FAM200A: variants seen among roughly 807,000 people sequenced by gnomAD.
FAM200A encodes ZBED8 like.
In FAM200A, 26 loss-of-function variants were observed where a neutral mutation model predicts 44.2. The observed-to-expected ratio is 0.59, with a 90% confidence interval of 0.43 to 0.82. The LOEUF is 0.82. Ranked by LOEUF, FAM200A falls within the 40% of genes least tolerant of loss-of-function variation. FAM200A has a pLI of 0.00. For synonymous variants in FAM200A, 206 were observed against 244.4 expected (o/e 0.84, Z 1.47); for missense variants, 606 against 669.5 (o/e 0.91, Z 1.05).
chr7:99,546,609 C>A lies in FAM200A; in HGVS notation c.*77G>T. Reference sequence around the variant, plus strand: ...GTCTTGAACTCAAGTGATCTGCCCACCTCGGTCTCCCACTGCTGGGATTAC... The same window carrying A: ...GTCTTGAACTCAAGTGATCTGCCCAACTCGGTCTCCCACTGCTGGGATTAC... On this transcript the variant is annotated 3_prime_UTR_variant, in exon 2 of 2. Transcript: ENST00000449309. The A allele has an allele frequency of 5.0e-6, 7 of 1,409,956 alleles. No individual in the cohort carries two copies. Among genetic ancestry groups the A allele is most frequent in the Non-Finnish European group, 4.6e-6 (5 of 1,081,744 alleles). The allele number at this position is 1,409,956 out of a possible 1,614,324, so 87.3% of individuals were successfully genotyped here. A position where few individuals can be genotyped will look rare whatever the true frequency, so the allele number is the denominator to read the frequency against.
Position 99,547,912 on chromosome 7 carries a change from C to T in FAM200A, c.496G>A (p.Asp166Asn). The change falls in exon 2 of 2, where the codon GAT (aspartate) becomes AAT (asparagine). Residue 166 changes from aspartate to asparagine, a missense_variant. By Grantham distance (23) the Asp-to-Asn change is conservative. Coordinates refer to ENST00000449309, the MANE Select transcript of FAM200A (RefSeq NM_145111.4). ...LLVYVRYVWQ[D>N]DFVEDLLCCL... ...CATAAGAGATCCTCTACAAAATCAT[C>T]TTGCCACACATATCTGACATAAACC... is the stretch of plus-strand genomic sequence containing the variant. The T allele has an allele frequency of 4.5e-6, 7 of 1,551,198 alleles. No individual in the cohort carries two copies. Among genetic ancestry groups the T allele is most frequent in the Non-Finnish European group, 6.1e-6 (7 of 1,146,986 alleles).
At chr7:99,551,261 G>A (rs1218231763) in intron 1 of FAM200A, among the ~76,000 whole-genome samples, 3 of 151,798 alleles carry the variant, frequency 2.0e-5, no homozygotes, top group Admixed American at 6.6e-5. Context: ...GTGCAGTGAC[G>A]CGATCCTGGC....
chr7:99,547,171 C>A lies in FAM200A; in HGVS notation c.1237G>T (p.Glu413Ter), dbSNP rs765867962. The A allele has an allele frequency of 1.5e-5, 23 of 1,547,368 alleles. No individual in the cohort carries two copies. Among genetic ancestry groups the A allele is most frequent in the Non-Finnish European group, 1.7e-6 (2 of 1,145,822 alleles). Residue 413 changes from glutamate to a stop codon, truncating the protein, a stop_gained, in exon 2 of 2, where the codon GAA (glutamate) becomes TAA (stop). Transcript: ENST00000449309. LOFTEE classifies it high-confidence loss of function. ...LQHIEENIIN[E>*]DCLKEIKLEI... ...AATTTTATTTCTTTTAAGCAGTCTTCATTAATAATGTTCTCTTCGATGTGT... is the reference window on the plus strand; with the variant it reads ...AATTTTATTTCTTTTAAGCAGTCTTAATTAATAATGTTCTCTTCGATGTGT...
At position 99,547,609 on chromosome 7, in the gene FAM200A, T is replaced by C. The variant is rs757223144; in HGVS notation, c.799A>G (p.Thr267Ala). The C allele has an allele frequency of 6.4e-7, 1 of 1,551,314 alleles. No homozygotes were observed. Among genetic ancestry groups the C allele is most frequent in the South Asian group, 1.2e-5 (1 of 83,858 alleles). The change falls in exon 2 of 2, where the codon ACT (threonine) becomes GCT (alanine). Residue 267 changes from threonine to alanine, a missense_variant. Transcript: ENST00000449309. Reference sequence around the variant, plus strand: ...GAGCTTCCTTTAATAAAATTAACAGTTTTCACTGCATTTTTCAATACATCC... The same window carrying C: ...GAGCTTCCTTTAATAAAATTAACAGCTTTCACTGCATTTTTCAATACATCC... ...LMDVLKNAVK[T>A]VNFIKGSSLN...
rs1802390595 is a variant in FAM200A, at chr7:99,546,614, G to A, written c.*72C>T. 2 of 1,418,564 alleles carry A rather than the reference G, an allele frequency of 1.4e-6. No individual in the cohort carries two copies. The highest frequency in any genetic ancestry group is 1.8e-6 in the Non-Finnish European group (2 of 1,087,686). The allele number at this position is 1,418,564 out of a possible 1,614,324, so 87.9% of individuals were successfully genotyped here. ...GAACTCAAGTGATCTGCCCACCTCG[G>A]TCTCCCACTGCTGGGATTACAGGCG... On this transcript the variant is annotated 3_prime_UTR_variant, in exon 2 of 2. Coordinates refer to ENST00000449309, the MANE Select transcript of FAM200A (RefSeq NM_145111.4).
upstream of FAM200A, among the ~76,000 whole-genome samples, chr7:99,553,373 G>C (rs144538023): frequency 6.6e-5 from 10 of 152,152 alleles, no homozygotes; most frequent in African/African-American, 2.4e-4. Flanking sequence ...CAGGAAGGCA[G>C]ATTACTGAAT....
chr7:99,554,720 A>G (rs1802644403), upstream of FAM200A, among the ~76,000 whole-genome samples: 1 of 152,136 alleles, frequency 6.6e-6, no homozygotes, highest in African/African-American at 2.4e-5. Context: ...TCACTGAGAT[A>G]ATTTTTCTTC....
Position 99,548,320 on chromosome 7 carries a change from C to T in FAM200A, c.88G>A (p.Glu30Lys). 6.2e-7 allele frequency: 1 copy of T among 1,614,170 alleles called. No homozygotes were observed. The highest frequency in any genetic ancestry group is 8.5e-7 in the Non-Finnish European group (1 of 1,180,044). ...EGIVIVKVEE[E>K]DEEDHFQKER... ...TTTTGAAAATGGTCTTCTTCATCTTCCTCCTCCACCTTCACTATCACGATG... is the reference window on the plus strand; with the variant it reads ...TTTTGAAAATGGTCTTCTTCATCTTTCTCCTCCACCTTCACTATCACGATG... The change falls in exon 2 of 2, where the codon GAA becomes AAA. Residue 30 changes from glutamate (E) to lysine (K), a missense_variant. Coordinates refer to ENST00000449309, the MANE Select transcript of FAM200A (RefSeq NM_145111.4).
At chr7:99,555,703 G>C (rs1019596596), upstream of FAM200A, among the ~76,000 whole-genome samples, 1 of 152,024 alleles carries the variant, frequency 6.6e-6, no homozygotes, top group African/African-American at 2.4e-5. Flanking sequence ...GAGGTCAGGA[G>C]TTCAAGATCA....
Position 99,551,869 on chromosome 7 carries a change from C to T in FAM200A, c.-115G>A. The T allele has an allele frequency of 1.0e-6, 1 of 985,560 alleles. No individual in the cohort carries two copies. Among genetic ancestry groups the T allele is most frequent in the Non-Finnish European group, 1.2e-6 (1 of 830,020 alleles). 61.1% of individuals were successfully genotyped at this position (985,560 alleles called of 1,614,324 possible). ...CCCTTCCCACCTGTATCCAGGGACA[C>T]CTCTGCTGGGGGACAGCGCTTGCCA... On this transcript the variant is annotated 5_prime_UTR_variant, in exon 1 of 2. It adds an upstream start codon to the 5' untranslated region. Transcript: ENST00000449309.
intron 1 of FAM200A, among the ~76,000 whole-genome samples, chr7:99,549,182 A>ATTTTTTTTTTT (rs1443044531): frequency 1.4e-5 from 2 of 138,192 alleles, no homozygotes; most frequent in South Asian, 2.9e-4. Context: ...TTTCTTAAAA[A>ATTTTTTTTTTT]TAAGAAATTA....
chr7:99,552,160 C>T, upstream of FAM200A: 1 of 985,456 alleles, frequency 1.0e-6, no homozygotes, highest in Non-Finnish European at 1.2e-6. Context: ...CTGCGCTCCG[C>T]TTCGGGGTCC....
chr7:99,555,256 A>G (rs1802655883), upstream of FAM200A, among the ~76,000 whole-genome samples: 1 of 152,234 alleles, frequency 6.6e-6, no homozygotes, highest in South Asian at 2.1e-4. Flanking sequence ...AGATGAGGGT[A>G]AAGACTGGGA....
At position 99,547,767 on chromosome 7, in the gene FAM200A, G is replaced by T; in HGVS notation, c.641C>A (p.Thr214Lys). 1.3e-6 allele frequency: 2 copies of T among 1,551,622 alleles called. No homozygotes were observed. Among genetic ancestry groups the T allele is most frequent in the Non-Finnish European group, 1.7e-6 (2 of 1,146,976 alleles). The change falls in exon 2 of 2, where the codon ACA (threonine) becomes AAA (lysine). Residue 214 changes from threonine (T) to lysine (K), a missense_variant. Transcript: ENST00000449309. ...KHCKGISSDG[T>K]ANMTGKHSRL... Reference sequence around the variant, plus strand: ...GCTGTGTTTTCCGGTCATATTTGCTGTTCCATCACTTGAAATTCCTTTACA... The same window carrying T: ...GCTGTGTTTTCCGGTCATATTTGCTTTTCCATCACTTGAAATTCCTTTACA...
Position 99,546,853 on chromosome 7 carries a change from G to A in FAM200A, c.1555C>T (p.Pro519Ser). The change falls in exon 2 of 2, where the codon CCA becomes TCA. Residue 519 changes from proline (P) to serine (S), a missense_variant. Pro to Ser is a moderately conservative substitution (Grantham distance 74). Transcript: ENST00000449309. ...LSRKSILLLLPFTTTYLCELG... is the reference protein window; with the variant it reads ...LSRKSILLLLSFTTTYLCELG... ...TCACACAAATATGTAGTTGTGAATGGTAGTAACAGCAATATACTCTTCCTA... is the reference window on the plus strand; with the variant it reads ...TCACACAAATATGTAGTTGTGAATGATAGTAACAGCAATATACTCTTCCTA... The A allele has an allele frequency of 1.3e-6, 2 of 1,551,452 alleles. No individual in the cohort carries two copies. Among genetic ancestry groups the A allele is most frequent in the Non-Finnish European group, 1.7e-6 (2 of 1,146,952 alleles).
chr7:99,553,079 ATATATATATATATATATATATTTT>A (rs1407169638), upstream of FAM200A, among the ~76,000 whole-genome samples: 19 of 88,122 alleles, frequency 2.2e-4, no homozygotes, highest in Non-Finnish European at 3.4e-4. Context: ...ACATATATAT[ATATATATATATATATATATATTTT>A]TTTTTTTTTT....
upstream of FAM200A, among the ~76,000 whole-genome samples, chr7:99,553,529 G>A (rs1054058728): frequency 4.6e-5 from 7 of 152,114 alleles, no homozygotes; most frequent in African/African-American, 1.7e-4. Context: ...TTTCAGTTCA[G>A]TGGCACGATT....
upstream of FAM200A, among the ~76,000 whole-genome samples, chr7:99,553,256 G>C (rs1206319757): frequency 1.3e-5 from 2 of 151,224 alleles, no homozygotes; most frequent in African/African-American, 4.9e-5. Flanking sequence ...AGGGTTCCAA[G>C]TCATCGCTAA....
upstream of FAM200A, among the ~76,000 whole-genome samples, chr7:99,556,231 T>C (rs1802672360): frequency 6.6e-6 from 1 of 152,208 alleles, no homozygotes; most frequent in Non-Finnish European, 1.5e-5. Context: ...TGGGTACTAC[T>C]AGCATTTGTC....
Sources: allele counts gnomAD v4.1 joint callset (sites outside exome capture counted in the v4.1 genomes callset), GRCh38; gene constraint gnomAD v4.1.1; transcripts MANE v1.5; gene names NCBI Gene and HGNC (gene_info 2026-07-23, HGNC 2026-07-21).